The following FAN1 variants were observed in gnomAD, a reference collection of about 807,000 sequenced individuals.
FAN1 encodes the protein fanconi-associated nuclease 1.
FAN1 carries 91 observed loss-of-function variants against 104.9 expected under a neutral mutation model. The observed-to-expected ratio is 0.87, with a 90% CI of 0.73 to 1.03. FAN1 has a LOEUF of 1.03. Among genes scored for constraint, FAN1 ranks in the 50% least tolerant of loss-of-function variants. FAN1 has a pLI of 0.00. For missense variants in FAN1, 1,263 were observed against 1,239.9 expected, an observed-to-expected ratio of 1.02 and a Z score of -0.28; for synonymous variants, 478 against 457.6, an observed-to-expected ratio of 1.04 and a Z score of -0.57.
intron 12 of FAN1, among the ~76,000 whole-genome samples, chr15:30,930,149 C>T (rs1177877980): frequency 6.6e-6 from 1 of 150,998 alleles, no homozygotes; most frequent in Non-Finnish European, 1.5e-5. Flanking sequence ...CCTTTGCCAC[C>T]CCTGAGTTGA....
At position 30,905,105 on chromosome 15, in the gene FAN1, A is replaced by C; in HGVS notation, c.442A>C (p.Lys148Gln). The change falls in exon 2 of 15, where the codon AAA becomes CAA. Residue 148 changes from lysine (K) to glutamine (Q), a missense_variant. Physicochemically the swap from Lys to Gln is moderately conservative, Grantham distance 53. Around this residue, in one of 2 missense-constraint regions of FAN1, gnomAD observed 682 missense variants for 571.1 expected, o/e 1.19. Transcript: ENST00000362065. ...NQDELRNRSV[K>Q]VICLGSLASK... The stretch of plus-strand genomic sequence containing the variant: ...AGATGAGCTGAGAAATCGTAGTGTG[A>C]AAGTCATTTGTTTGGGAAGCCTAGC... 6.2e-7 allele frequency: 1 copy of C among 1,614,084 alleles called. No homozygotes were observed. The highest frequency in any genetic ancestry group is 8.5e-7 in the Non-Finnish European group (1 of 1,180,012).
intron 10 of FAN1, chr15:30,927,683 G>C: frequency 1.0e-6 from 1 of 985,666 alleles, no homozygotes; most frequent in Non-Finnish European, 1.2e-6. Context: ...CTGGTGGTCA[G>C]CACCTCCTCT....
chr15:30,905,186 G>T lies in FAN1; in HGVS notation c.523G>T (p.Glu175Ter), dbSNP rs759734050. 5.0e-6 allele frequency: 8 copies of T among 1,613,496 alleles called. No homozygotes were observed. Among genetic ancestry groups the T allele is most frequent in the Non-Finnish European group, 5.1e-6 (6 of 1,179,910 alleles). ...TAAAAAATCAATAGATAAGGATGAA[G>T]AATTTGCCGGTTCTAGTCCACAGAG... ...KAKKSIDKDEEFAGSSPQSSK... is the reference protein window; with the variant it reads ...KAKKSIDKDE Residue 175 changes from glutamate to a stop codon, truncating the protein, a stop_gained, in exon 2 of 15, where the codon GAA becomes TAA. Coordinates refer to ENST00000362065, the MANE Select transcript of FAN1 (RefSeq NM_014967.5). LOFTEE classifies it high-confidence loss of function.
At chr15:30,909,809 T>C (rs1372035898) in intron 3 of FAN1, among the ~76,000 whole-genome samples, 1 of 152,242 alleles carries the variant, frequency 6.6e-6, no homozygotes, top group Admixed American at 6.5e-5. Context: ...TCTCCTTTCC[T>C]TCCCCGCTGC....
chr15:30,922,583 T>C (rs2062360832), intron 8 of FAN1, among the ~76,000 whole-genome samples: 1 of 152,140 alleles, frequency 6.6e-6, no homozygotes, highest in Non-Finnish European at 1.5e-5. Context: ...ATTGGCGAGA[T>C]GGGCTTACTG....
chr15:30,915,085 A>C (rs1014063223), intron 5 of FAN1, among the ~76,000 whole-genome samples: 3 of 152,248 alleles, frequency 2.0e-5, no homozygotes, highest in Non-Finnish European at 2.9e-5. Context: ...TGGATAAAGA[A>C]AATGTGGTAC....
chr15:30,907,817 C>T (rs1407001746), intron 2 of FAN1, among the ~76,000 whole-genome samples: 1 of 151,998 alleles, frequency 6.6e-6, no homozygotes, highest in Non-Finnish European at 1.5e-5. Context: ...TATTTTCGAT[C>T]AAATCAGAAT....
In FAN1 at chr15:30,929,843, TAA is replaced by T. The variant is rs1491253848; in HGVS notation, c.2787+449_2787+450del. 5.0e-3 allele frequency among the ~76,000 whole-genome samples: 409 copies of T among 82,358 alleles called. 56 individuals carry two copies. The highest frequency in any genetic ancestry group is 5.7e-3 in the Non-Finnish European group (283 of 50,036). The allele number at this position is 82,358 out of a possible 152,430, so 54.0% of individuals were successfully genotyped here. ...ATTATATCATATATAATATAATATA[TAA>T]AATATATATCATATATAATATATAT... On this transcript the variant is annotated intron_variant, in intron 12 of 14. Coordinates refer to ENST00000362065, the MANE Select transcript of FAN1 (RefSeq NM_014967.5).
At chr15:30,940,259 TCA>T (rs750658488) in intron 14 of FAN1, 225 of 979,902 alleles carry the variant, frequency 2.3e-4, no homozygotes, top group Non-Finnish European at 2.6e-4. Context: ...TAGGCTCTTG[TCA>T]CACAGTTTGG....
At chr15:30,939,447 C>A in intron 14 of FAN1, 1 of 985,412 alleles carries the variant, frequency 1.0e-6, no homozygotes, top group Non-Finnish European at 1.2e-6. Flanking sequence ...TTCACCCTGG[C>A]CCGACTGAAG....
intron 11 of FAN1, 69 bp downstream of exon 11, chr15:30,928,725 A>G: frequency 6.2e-7 from 1 of 1,606,432 alleles, no homozygotes; most frequent in South Asian, 1.1e-5. Flanking sequence ...CCACCTGGGC[A>G]CCGTGTGTCC....
In FAN1 at chr15:30,942,424, C is replaced by T; in HGVS notation, c.*862C>T. 3.1e-6 allele frequency: 1 copy of T among 324,406 alleles called. No homozygotes were observed. The highest frequency in any genetic ancestry group is 5.9e-5 in the South Asian group (1 of 17,018). The allele number at this position is 324,406 out of a possible 1,614,324, so 20.1% of individuals were successfully genotyped here. A position where few individuals can be genotyped will look rare whatever the true frequency, so the allele number is the denominator to read the frequency against. ...AAACTGAACAGAGGCAGTCAGGAGG[C>T]CAAATGTCTGATTCTTTGTTCTGTA... On this transcript the variant is annotated 3_prime_UTR_variant, in exon 15 of 15. Coordinates refer to ENST00000362065, the MANE Select transcript of FAN1 (RefSeq NM_014967.5).
At chr15:30,906,922 G>C (rs1354865077) in intron 2 of FAN1, among the ~76,000 whole-genome samples, 1 of 152,172 alleles carries the variant, frequency 6.6e-6, no homozygotes, top group Non-Finnish European at 1.5e-5. Flanking sequence ...GTATTTCAGA[G>C]ATTGGTGGCT....
At chr15:30,927,758 C>T (rs2062502093) in intron 10 of FAN1, 2 of 985,636 alleles carry the variant, frequency 2.0e-6, no homozygotes, top group Admixed American at 6.1e-5. Context: ...GGCTGATGTG[C>T]AGAGAAGTAC....
Position 30,929,242 on chromosome 15 carries a change from A to T in FAN1, c.2632A>T (p.Ser878Cys). Reference protein sequence around the residue: ...LDLCTDSFFTSRRPALEARLQ... With the variant: ...LDLCTDSFFTCRRPALEARLQ... ...CTTGTGCACAGACAGCTTCTTCACA[A>T]GCAGACGCCCAGCCCTTGAGGCCAG... is the stretch of plus-strand genomic sequence containing the variant. Residue 878 changes from serine (S) to cysteine (C), a missense_variant, in exon 12 of 15, where the codon AGC (serine) becomes TGC (cysteine). Transcript: ENST00000362065. The T allele has an allele frequency of 6.2e-7, 1 of 1,613,484 alleles. No individual in the cohort carries two copies. Among genetic ancestry groups the T allele is most frequent in the Non-Finnish European group, 8.5e-7 (1 of 1,179,802 alleles).
At position 30,910,718 on chromosome 15, in the gene FAN1, C is replaced by T; in HGVS notation, c.1480C>T (p.Gln494Ter). 6.2e-7 allele frequency: 1 copy of T among 1,614,046 alleles called. No individual in the cohort carries two copies. Among genetic ancestry groups the T allele is most frequent in the Non-Finnish European group, 8.5e-7 (1 of 1,179,978 alleles). ...CTTGGTGAATCCCAATGGACAGAAA[C>T]AGCAGCTGGTGGACGCCTTTCTCAA... ...FHLVNPNGQK[Q>*]QLVDAFLKLA... The change falls in exon 4 of 15, where the codon CAG (glutamine) becomes TAG (stop). Residue 494 changes from glutamine (Q) to a stop codon, truncating the protein, a stop_gained. Transcript: ENST00000362065. LOFTEE classifies it high-confidence loss of function.
chr15:30,914,095 A>G lies in FAN1; in HGVS notation c.1811+4A>G. On this transcript the variant is annotated splice_donor_region_variant and intron_variant, in intron 5 of 14. Transcript: ENST00000362065. ...AAGACAGAGATGATCTTATCAGGTA[A>G]GATGATGTTAGCTCACTATAATGTC... The G allele has an allele frequency of 1.9e-6, 3 of 1,587,394 alleles. No individual in the cohort carries two copies. Among genetic ancestry groups the G allele is most frequent in the Non-Finnish European group, 1.7e-6 (2 of 1,155,978 alleles).
intron 10 of FAN1, chr15:30,928,132 C>G (rs1443504843): frequency 9.9e-7 from 1 of 1,006,916 alleles, no homozygotes; most frequent in African/African-American, 1.7e-5. Flanking sequence ...AGCATTTCTT[C>G]AGGGGTGGCC....
chr15:30,914,885 G>A, intron 5 of FAN1, among the ~76,000 whole-genome samples: 1 of 152,140 alleles, frequency 6.6e-6, no homozygotes, highest in Admixed American at 6.5e-5. Context: ...TGAAAATTTG[G>A]TTTGTCCAAT....
Sources: gnomAD v4.1 joint callset for allele counts (sites outside exome capture counted in the v4.1 genomes callset) on GRCh38, gnomAD v4.1.1 for gene constraint, gnomAD v4.1.1 regional missense constraint, MANE v1.5 for transcripts, NCBI Gene and HGNC (gene_info 2026-07-23, HGNC 2026-07-21) for gene names.